Variants in NEK2 observed in about 807,000 individuals in gnomAD.
NEK2 encodes serine/threonine-protein kinase Nek2.
In NEK2, 28 loss-of-function variants were observed where a neutral mutation model predicts 54.1. The observed-to-expected ratio is 0.52, with a 90% confidence interval of 0.38 to 0.71. The LOEUF is 0.71. Among genes scored for constraint, NEK2 ranks in the 30% least tolerant of loss-of-function variants. The pLI, the probability that NEK2 is intolerant of heterozygous loss-of-function variation, is 0.00. For synonymous variants in NEK2, 176 were observed against 193.1 expected (o/e 0.91, Z 0.73); for missense variants, 407 against 531.5 (o/e 0.77, Z 2.30).
chr1:211,666,477 A>G lies in NEK2; in HGVS notation c.1111+629T>C, dbSNP rs146475521. On this transcript the variant is annotated intron_variant, in intron 7 of 7. Transcript: ENST00000366999. ...TTTATCTCTCTGAAATCTGAAACAT[A>G]CAATAGTTTTGTAAATGCCCTAATT... is the stretch of plus-strand genomic sequence containing the variant. 560 of 977,972 alleles carry G rather than the reference A, an allele frequency of 5.7e-4. 3 individuals carry two copies. In the African/African-American group the frequency reaches 8.7e-3, roughly 15 times the overall value. The allele number at this position is 977,972 out of a possible 1,614,324, so 60.6% of individuals were successfully genotyped here.
chr1:211,673,112 A>G (rs986542952), intron 3 of NEK2, among the ~76,000 whole-genome samples: 3 of 151,890 alleles, frequency 2.0e-5, no homozygotes, highest in Non-Finnish European at 4.4e-5. Flanking sequence ...AATGCTTAAC[A>G]TTAAAAGATG....
chr1:211,663,444 C>G lies in NEK2; in HGVS notation c.1320G>C (p.Gln440His), dbSNP rs141984487. 3.8e-5 allele frequency: 61 copies of G among 1,612,748 alleles called. No homozygotes were observed. In the Middle Eastern group the frequency reaches 6.6e-4, roughly 17 times the overall value. ...TACCTGGCTAGCGCATGCCCAGGAT[C>G]TGTCTGCTTTTCAGTTGGTAATTTT... ...IEKNYQLKSR[Q>H]ILGMR is the part of the protein sequence containing the mutation. Residue 440 changes from glutamine (Q) to histidine (H), a missense_variant, in exon 8 of 8, where the codon CAG becomes CAC. Coordinates refer to ENST00000366999, the MANE Select transcript of NEK2 (RefSeq NM_002497.4).
At chr1:211,674,068 G>A (rs1361650012) in intron 2 of NEK2, among the ~76,000 whole-genome samples, 15 of 152,046 alleles carry the variant, frequency 9.9e-5, no homozygotes, top group Admixed American at 9.2e-4. Flanking sequence ...CTCCCGCATC[G>A]GCCTCCCAAA....
downstream of NEK2, chr1:211,661,367 G>T: frequency 2.6e-6 from 1 of 379,352 alleles, no homozygotes; most frequent in South Asian, 2.8e-5. Flanking sequence ...TCTATCAAAT[G>T]CATTGGGCTG....
chr1:211,667,783 C>T (rs545640007), intron 6 of NEK2, among the ~76,000 whole-genome samples: 11 of 152,280 alleles, frequency 7.2e-5, no homozygotes, highest in South Asian at 2.1e-4. Context: ...CAGTGGCTCA[C>T]GCCTGTAATC....
At position 211,673,614 on chromosome 1, in the gene NEK2, G is replaced by T. The variant is rs955252425; in HGVS notation, c.424C>A (p.Leu142Met). 1 of 1,614,180 alleles carries T rather than the reference G, an allele frequency of 6.2e-7. No homozygotes were observed. ...DGGHTVLHRD[L>M]KPANVFLDGK... is the part of the protein sequence containing the mutation. ...TCCAGGAAAACATTGGCTGGTTTCA[G>T]ATCCCGATGCAATACGGTATGACCA... The change falls in exon 3 of 8, where the codon CTG becomes ATG. Residue 142 changes from leucine (L) to methionine (M), a missense_variant. By Grantham distance (15) the Leu-to-Met change is conservative. Coordinates refer to ENST00000366999, the MANE Select transcript of NEK2 (RefSeq NM_002497.4).
At position 211,663,606 on chromosome 1, in the gene NEK2, G is replaced by A; in HGVS notation, c.1158C>T (p.Phe386=). 6.2e-7 allele frequency: 1 copy of A among 1,613,736 alleles called. No individual in the cohort carries two copies. The highest frequency in any genetic ancestry group is 1.1e-5 in the South Asian group (1 of 91,070). ...PSSVIKKKVH[F]SGESKENIMR... ...TGATGTTCTCTTTACTTTCCCCACT[G>A]AAATGAACTTTCTTCTTAATTACTG... Residue 386 remains phenylalanine, a synonymous_variant, in exon 8 of 8, where the codon TTC becomes TTT. Transcript: ENST00000366999.
In NEK2 at chr1:211,669,323, G is replaced by A. The variant is rs761216195; in HGVS notation, c.775C>T (p.Arg259Ter). ...TCAAGAATTTCTTCAACAGAAGGTC[G>A]ATGGTAATCCTGGGGAAAAAATACT... is the stretch of plus-strand genomic sequence containing the variant. The part of the protein sequence containing the change: ...TRMLNLKDYH[R>*]PSVEEILENP... The change falls in exon 6 of 8, where the codon CGA (arginine) becomes TGA (stop). Residue 259 changes from arginine (R) to a stop codon, truncating the protein, a stop_gained. Transcript: ENST00000366999. LOFTEE classifies it high-confidence loss of function. 3 of 1,613,886 alleles carry A rather than the reference G, an allele frequency of 1.9e-6. No individual in the cohort carries two copies. Among genetic ancestry groups the A allele is most frequent in the Admixed American group, 1.7e-5 (1 of 60,032 alleles).
chr1:211,669,016 C>T, intron 6 of NEK2, 97 bp downstream of exon 6: 1 of 1,109,488 alleles, frequency 9.0e-7, no homozygotes, highest in Non-Finnish European at 1.3e-6. Flanking sequence ...CTAATAAGAT[C>T]TGTATGTATA....
At chr1:211,658,773 C>CAAGA (rs1654945720), downstream of NEK2, 1 of 234,752 alleles carries the variant, frequency 4.3e-6, no homozygotes, top group Non-Finnish European at 8.0e-6. Flanking sequence ...AGAAATAGGT[C>CAAGA]AAGAAGGGAA....
chr1:211,662,693 T>C (rs1655050117), downstream of NEK2: 1 of 718,588 alleles, frequency 1.4e-6, no homozygotes, highest in African/African-American at 1.9e-5. This position sits in a 1 kb window ranked among gnomAD's most constrained non-coding sequence, Gnocchi z 4.2. Flanking sequence ...TGTTTCCTTC[T>C]GTACCCTACA....
At chr1:211,667,416 G>T (rs575470824) in intron 6 of NEK2, among the ~76,000 whole-genome samples, 185 bp from the exon 7 acceptor site, 5 of 152,294 alleles carry the variant, frequency 3.3e-5, no homozygotes, top group African/African-American at 1.2e-4. Flanking sequence ...GTTTTAGTAG[G>T]CTGTATGTTA....
In NEK2 at chr1:211,674,591, A is replaced by C. The variant is rs866609452; in HGVS notation, c.97-78T>G. 7 of 1,026,920 alleles carry C rather than the reference A, an allele frequency of 6.8e-6. No homozygotes were observed. The South Asian group carries it at 1.1e-4, about 17-fold the overall frequency. The allele number at this position is 1,026,920 out of a possible 1,614,324, so 63.6% of individuals were successfully genotyped here. On this transcript the variant is annotated intron_variant, in intron 1 of 7. Coordinates refer to ENST00000366999, the MANE Select transcript of NEK2 (RefSeq NM_002497.4). Reference sequence around the variant, plus strand: ...GAATGAAAGTTCCAAGATTTAACAAATTACCTCCCTTTTAATTATATCCTA... The same window carrying C: ...GAATGAAAGTTCCAAGATTTAACAACTTACCTCCCTTTTAATTATATCCTA...
In NEK2 at chr1:211,675,394, C is replaced by G; in HGVS notation, c.86G>C (p.Ser29Thr). 6.2e-7 allele frequency: 1 copy of G among 1,613,852 alleles called. No homozygotes were observed. Among genetic ancestry groups the G allele is most frequent in the African/African-American group, 1.3e-5 (1 of 75,070 alleles). The part of the protein sequence containing the change: ...YGRCQKIRRK[S>T]DGKILVWKEL... ...AGGTCCCACGCTCACCTTGCCATCA[C>G]TCTTCCTCCGGATCTTCTGGCAGCG... Residue 29 changes from serine (S) to threonine (T), a missense_variant, in exon 1 of 8, where the codon AGT becomes ACT. Physicochemically the swap from Ser to Thr is moderately conservative, Grantham distance 58. Coordinates refer to ENST00000366999, the MANE Select transcript of NEK2 (RefSeq NM_002497.4).
In NEK2 at chr1:211,669,327, G is replaced by A. The variant is rs1159284015; in HGVS notation, c.771C>T (p.Tyr257=). 1 of 1,613,756 alleles carries A rather than the reference G, an allele frequency of 6.2e-7. No homozygotes were observed. The highest frequency in any genetic ancestry group is 8.5e-7 in the Non-Finnish European group (1 of 1,179,740). The part of the protein sequence containing the change: ...IITRMLNLKD[Y]HRPSVEEILE... ...GAATTTCTTCAACAGAAGGTCGATGGTAATCCTGGGGAAAAAATACTCAGT... is the reference window on the plus strand; with the variant it reads ...GAATTTCTTCAACAGAAGGTCGATGATAATCCTGGGGAAAAAATACTCAGT... The change falls in exon 6 of 8, where the codon TAC becomes TAT. Residue 257 remains tyrosine, a synonymous_variant. Transcript: ENST00000366999.
chr1:211,669,799 C>T (rs1306419548), intron 5 of NEK2, among the ~76,000 whole-genome samples: 1 of 152,204 alleles, frequency 6.6e-6, no homozygotes, highest in African/African-American at 2.4e-5. Context: ...CATCTCCTTC[C>T]CCATTCTATA....
At position 211,663,271 on chromosome 1, in the gene NEK2, T is replaced by C. The variant is rs1655066146; in HGVS notation, c.*155A>G. The C allele has an allele frequency of 7.1e-7, 1 of 1,411,608 alleles. No homozygotes were observed. Among genetic ancestry groups the C allele is most frequent in the Non-Finnish European group, 9.3e-7 (1 of 1,080,162 alleles). The allele number at this position is 1,411,608 out of a possible 1,614,324, so 87.4% of individuals were successfully genotyped here. On this transcript the variant is annotated 3_prime_UTR_variant, in exon 8 of 8. Coordinates refer to ENST00000366999, the MANE Select transcript of NEK2 (RefSeq NM_002497.4). ...TGTGAACATTTTGTACAATAGTTGC[T>C]GAAGAACAGTAAAACCAATTCCGAA...
intron 7 of NEK2, chr1:211,666,351 C>A: frequency 4.7e-6 from 1 of 213,408 alleles, no homozygotes; most frequent in Non-Finnish European, 8.1e-6. Context: ...CCAAACGTGA[C>A]AGCCTATTCT....
chr1:211,665,711 AAC>A (rs1655158237), intron 7 of NEK2, among the ~76,000 whole-genome samples: 1 of 152,250 alleles, frequency 6.6e-6, no homozygotes, highest in South Asian at 2.1e-4. Context: ...AAGGTATTTT[AAC>A]AGAGATGAAG....
Sources: allele counts gnomAD v4.1 joint callset (sites outside exome capture counted in the v4.1 genomes callset), GRCh38; gene constraint gnomAD v4.1.1; non-coding constraint Gnocchi (gnomAD v3.1); transcripts MANE v1.5; gene names NCBI Gene and HGNC (gene_info 2026-07-23, HGNC 2026-07-21).